ANKDD1B: variants seen among roughly 807,000 people sequenced by gnomAD.
ANKDD1B encodes ankyrin repeat and death domain containing 1B.
Under a neutral mutation model 59.7 loss-of-function variants are expected in ANKDD1B, and 57 were observed. The observed-to-expected ratio is 0.95, with a 90% confidence interval of 0.77 to 1.19. The LOEUF is 1.19. Ranked by LOEUF, ANKDD1B falls within the 50% of genes most tolerant of loss-of-function variation. The probability of loss-of-function intolerance (pLI) is 0.00; values close to 1 mark genes in which losing one functional copy is unlikely to be tolerated. For synonymous variants in ANKDD1B, 216 were observed against 239.5 expected (o/e 0.90, Z 0.91); for missense variants, 602 against 641.9 (o/e 0.94, Z 0.67).
At chr5:75,640,151 C>G (rs1774426387) in intron 7 of ANKDD1B, among the ~76,000 whole-genome samples, 1 of 151,974 alleles carries the variant, frequency 6.6e-6, no homozygotes, top group South Asian at 2.1e-4. Context: ...TCAGGTGATC[C>G]TCTCACCTCA....
intron 3 of ANKDD1B, among the ~76,000 whole-genome samples, chr5:75,621,300 G>A (rs886198033): frequency 6.6e-6 from 1 of 152,128 alleles, no homozygotes; most frequent in Non-Finnish European, 1.5e-5. Context: ...CTGTGCCCAG[G>A]GCACAGTTCC....
Position 75,635,886 on chromosome 5 carries a change from T to G in ANKDD1B, c.798+4T>G. ...AGACATAAATGAGATGAATGAGGTA[T>G]GTGGAAGTGCTCGTTATTGCCATAG... is the stretch of plus-strand genomic sequence containing the variant. On this transcript the variant is annotated splice_donor_region_variant and intron_variant, in intron 7 of 13. Coordinates refer to ENST00000601380, the MANE Select transcript of ANKDD1B (RefSeq NM_001276713.2). 2 of 1,511,822 alleles carry G rather than the reference T, an allele frequency of 1.3e-6. No individual in the cohort carries two copies. Among genetic ancestry groups the G allele is most frequent in the Admixed American group, 4.0e-5 (2 of 50,618 alleles). 93.7% of individuals were successfully genotyped at this position (1,511,822 alleles called of 1,614,324 possible). A position where few individuals can be genotyped will look rare whatever the true frequency, so the allele number is the denominator to read the frequency against.
At position 75,666,872 on chromosome 5, in the gene ANKDD1B, C is replaced by T. The variant is rs1561452911; in HGVS notation, c.1272C>T (p.His424=). Residue 424 remains histidine (H), a synonymous_variant, in exon 12 of 14, where the codon CAC becomes CAT. Transcript: ENST00000601380. ...AAGATCACAGTCTGGAGACCAGACACATTCGCACGCTTCTCTGGGACCTGG... is the reference window on the plus strand; with the variant it reads ...AAGATCACAGTCTGGAGACCAGACATATTCGCACGCTTCTCTGGGACCTGG... ...FKQDHSLETR[H]IRTLLWDLAY... 9.8e-6 allele frequency: 15 copies of T among 1,535,284 alleles called. No homozygotes were observed. Among genetic ancestry groups the T allele is most frequent in the Middle Eastern group, 1.7e-4 (1 of 6,010 alleles).
intron 7 of ANKDD1B, among the ~76,000 whole-genome samples, chr5:75,648,258 AAAAAAAATT>A (rs1236915016): frequency 1.0e-4 from 1 of 10,038 alleles, no homozygotes; most frequent in African/African-American, 1.9e-4. Context: ...ATAATTAAAA[AAAAAAAATT>A]AAAAAAAAAA....
intron 7 of ANKDD1B, among the ~76,000 whole-genome samples, chr5:75,636,241 T>C (rs1041306757): frequency 3.3e-5 from 5 of 152,222 alleles, no homozygotes; most frequent in Admixed American, 6.5e-5. Context: ...CAGAGAAAGA[T>C]GTTTTTCAGA....
At position 75,620,303 on chromosome 5, in the gene ANKDD1B, A is replaced by T; in HGVS notation, c.298-12A>T. On this transcript the variant is annotated splice_polypyrimidine_tract_variant and intron_variant, in intron 2 of 13. Transcript: ENST00000601380. ...GATCAGATGACTAAAAACATAAATT[A>T]TGCTTCCTCAGATGAACCGCACAGC... The T allele has an allele frequency of 2.8e-6, 4 of 1,420,002 alleles. No individual in the cohort carries two copies. Among genetic ancestry groups the T allele is most frequent in the Non-Finnish European group, 3.8e-6 (4 of 1,050,468 alleles). 88.0% of individuals were successfully genotyped at this position (1,420,002 alleles called of 1,614,324 possible).
intron 11 of ANKDD1B, among the ~76,000 whole-genome samples, chr5:75,665,683 C>T (rs567002764): frequency 3.3e-5 from 5 of 152,292 alleles, no homozygotes; most frequent in African/African-American, 1.2e-4. Context: ...AAGGTTTTGC[C>T]CTTCTTGGCC....
intron 12 of ANKDD1B, among the ~76,000 whole-genome samples, chr5:75,667,731 C>T (rs1411814983): frequency 6.6e-6 from 1 of 152,124 alleles, no homozygotes; most frequent in Non-Finnish European, 1.5e-5. Context: ...ATGAAGCAAA[C>T]ATGTTTCTTG....
In ANKDD1B at chr5:75,625,665, C is replaced by G; in HGVS notation, c.415C>G (p.His139Asp). 1 of 1,536,336 alleles carries G rather than the reference C, an allele frequency of 6.5e-7. No homozygotes were observed. Among genetic ancestry groups the G allele is most frequent in the Non-Finnish European group, 8.7e-7 (1 of 1,146,940 alleles). Residue 139 changes from histidine to aspartate, a missense_variant, in exon 4 of 14, where the codon CAC (histidine) becomes GAC (aspartate). Around this residue, in one of 3 missense-constraint regions of ANKDD1B, gnomAD observed 317 missense variants for 304.6 expected, o/e 1.04. Transcript: ENST00000601380. Reference protein sequence around the residue: ...VADKHGLTVIHLAAWSGSLEV... With the variant: ...VADKHGLTVIDLAAWSGSLEV... The stretch of plus-strand genomic sequence containing the variant: ...GGGGAAGCACGGCTTGACAGTAATT[C>G]ACCTTGCAGCCTGGTCTGGGAGCCT...
intron 7 of ANKDD1B, among the ~76,000 whole-genome samples, chr5:75,652,752 T>A (rs916257703): frequency 6.6e-6 from 1 of 152,242 alleles, no homozygotes; most frequent in Admixed American, 6.5e-5. Flanking sequence ...TTTTCTTTTT[T>A]AAATACAGCC....
chr5:75,627,068 T>C (rs892331996), intron 5 of ANKDD1B, among the ~76,000 whole-genome samples: 3 of 152,218 alleles, frequency 2.0e-5, no homozygotes, highest in African/African-American at 7.2e-5. Context: ...TAAACTTCTT[T>C]GACTTCCTCT....
chr5:75,613,193 A>T (rs1773617265), intron 1 of ANKDD1B, among the ~76,000 whole-genome samples: 1 of 152,176 alleles, frequency 6.6e-6, no homozygotes, highest in Non-Finnish European at 1.5e-5. Context: ...AGAAATGGAG[A>T]CAGCAATTAT....
In ANKDD1B at chr5:75,648,267, T is replaced by A. The variant is rs866210110; in HGVS notation, c.799-4875T>A. Among the ~76,000 whole-genome samples the A allele has an allele frequency of 2.9e-4, 25 of 87,408 alleles. 1 individual carries two copies. Among genetic ancestry groups the A allele is most frequent in the African/African-American group, 5.7e-4 (17 of 29,648 alleles). The allele number at this position is 87,408 out of a possible 152,430, so 57.3% of individuals were successfully genotyped here. A position where few individuals can be genotyped will look rare whatever the true frequency, so the allele number is the denominator to read the frequency against. ...TAAAGTATAATTAAAAAAAAAAAAT[T>A]AAAAAAAAAAAAAAAAGAATTCATG... On this transcript the variant is annotated intron_variant, in intron 7 of 13. Transcript: ENST00000601380.
At chr5:75,635,519 T>C (rs1774275438) in intron 6 of ANKDD1B, 1 of 308,626 alleles carries the variant, frequency 3.2e-6, no homozygotes, top group East Asian at 5.4e-5. Flanking sequence ...CTTTTGTTGC[T>C]CCATGTTTTG....
At chr5:75,647,950 T>G (rs1774684000) in intron 7 of ANKDD1B, among the ~76,000 whole-genome samples, 1 of 114,914 alleles carries the variant, frequency 8.7e-6, no homozygotes, top group South Asian at 2.8e-4. Flanking sequence ...ATGTCCTTTG[T>G]AGGGACATGG....
At chr5:75,655,281 A>G (rs1479558970) in intron 8 of ANKDD1B, among the ~76,000 whole-genome samples, 1 of 152,190 alleles carries the variant, frequency 6.6e-6, no homozygotes, top group Non-Finnish European at 1.5e-5. Flanking sequence ...GTTTAGCCAC[A>G]AAGGAGAACG....
chr5:75,641,879 G>A (rs943593776), intron 7 of ANKDD1B, among the ~76,000 whole-genome samples: 4 of 152,150 alleles, frequency 2.6e-5, no homozygotes, highest in African/African-American at 9.7e-5. Flanking sequence ...CTAGCTGCAT[G>A]CATTCAGATA....
chr5:75,651,471 G>T (rs527356376), intron 7 of ANKDD1B, among the ~76,000 whole-genome samples: 1 of 152,230 alleles, frequency 6.6e-6, no homozygotes, highest in African/African-American at 2.4e-5. Flanking sequence ...AGCAAAGACA[G>T]CTGAGCACAG....
rs183278739 is a variant in ANKDD1B at position 75,620,396 on chromosome 5, G to A, written c.379G>A (p.Val127Met). The A allele has an allele frequency of 5.1e-4, 780 of 1,532,950 alleles. 2 individuals are homozygous for A. The highest frequency in any genetic ancestry group is 2.2e-3 in the Middle Eastern group (13 of 5,980). The allele number at this position is 1,532,950 out of a possible 1,614,324, so 95.0% of individuals were successfully genotyped here. The change falls in exon 3 of 14, where the codon GTG becomes ATG. Residue 127 changes from valine to methionine, a missense_variant. Transcript: ENST00000601380. ...VDFLLKHKAR[V>M]DVADKHGLTV... Reference sequence around the variant, plus strand: ...TTTCTTGCTTAAACACAAGGCCAGGGTGGATGTTGCTGATAAGGTAAGCTC... The same window carrying A: ...TTTCTTGCTTAAACACAAGGCCAGGATGGATGTTGCTGATAAGGTAAGCTC...
Sources: gnomAD v4.1 joint callset for allele counts (sites outside exome capture counted in the v4.1 genomes callset) on GRCh38, gnomAD v4.1.1 for gene constraint, gnomAD v4.1.1 regional missense constraint, MANE v1.5 for transcripts, NCBI Gene and HGNC (gene_info 2026-07-23, HGNC 2026-07-21) for gene names.